NCOA4: variants seen among roughly 807,000 people sequenced by gnomAD.
NCOA4 encodes nuclear receptor coactivator 4, also known as 70 kDa AR-activator.
NCOA4 carries 31 observed loss-of-function variants against 69.5 expected under a neutral mutation model. The observed-to-expected ratio is 0.45, with a 90% CI of 0.34 to 0.60. The LOEUF (loss-of-function observed/expected upper bound fraction) is 0.60, where lower values mean the gene tolerates loss of function less well. Among genes scored for constraint, NCOA4 ranks in the 20% least tolerant of loss-of-function variants. The pLI, the probability that NCOA4 is intolerant of heterozygous loss-of-function variation, is 0.02. For synonymous variants in NCOA4, 228 were observed against 252.4 expected, an observed-to-expected ratio of 0.90 and a Z score of 0.92; for missense variants, 600 against 719.2, an observed-to-expected ratio of 0.83 and a Z score of 1.90.
At chr10:46,014,282 G>A (rs1221766365) in intron 5 of NCOA4, among the ~76,000 whole-genome samples, 162 bp downstream of exon 5, 1 of 152,194 alleles carries the variant, frequency 6.6e-6, no homozygotes. Context: ...CTCCCAAAGT[G>A]CTAGGATTAC....
intron 1 of NCOA4, chr10:46,022,373 A>C (rs1023597581): frequency 4.5e-6 from 2 of 446,920 alleles, no homozygotes; most frequent in African/African-American, 4.2e-5. Flanking sequence ...TTAGTTTAAA[A>C]AAATTATGTT....
intron 1 of NCOA4, chr10:46,022,279 CTA>C: frequency 2.6e-6 from 1 of 380,642 alleles, no homozygotes; most frequent in Non-Finnish European, 5.3e-6. Context: ...CCTATGTGTT[CTA>C]TGAGTACTAC....
chr10:46,009,589 CAAG>C (rs1554920629), intron 8 of NCOA4, 38 bp from the exon 9 acceptor site: 3 of 1,576,818 alleles, frequency 1.9e-6, no homozygotes, highest in East Asian at 4.5e-5. Flanking sequence ...TTCATGAAAA[CAAG>C]GAGGCATGAG....
chr10:46,016,971 G>C (rs1421930219), intron 1 of NCOA4, among the ~76,000 whole-genome samples: 1 of 152,152 alleles, frequency 6.6e-6, no homozygotes, highest in East Asian at 1.9e-4. Flanking sequence ...CTGAATCAAA[G>C]AGCATACAGT....
At position 46,010,362 on chromosome 10, in the gene NCOA4, T is replaced by C; in HGVS notation, c.1559A>G (p.Lys520Arg). Reference protein sequence around the residue: ...EVPGTEDRAGKQKFKSPMNTS... With the variant: ...EVPGTEDRAGRQKFKSPMNTS... The stretch of plus-strand genomic sequence containing the variant: ...ATTCATGGGGCTTTTAAACTTCTGT[T>C]TGCCAGCTCTGTCTTCAGTACCAGG... The change falls in exon 8 of 10, where the codon AAA (lysine) becomes AGA (arginine). Residue 520 changes from lysine to arginine, a missense_variant. Transcript: ENST00000581486. 6.2e-7 allele frequency: 1 copy of C among 1,614,164 alleles called. No individual in the cohort carries two copies. Among genetic ancestry groups the C allele is most frequent in the Non-Finnish European group, 8.5e-7 (1 of 1,180,036 alleles).
At chr10:46,015,066 G>A in intron 3 of NCOA4, 60 bp downstream of exon 3, 1 of 1,608,996 alleles carries the variant, frequency 6.2e-7, no homozygotes, top group Non-Finnish European at 8.5e-7. Context: ...TTACAAGGAA[G>A]ATACTCTCTG....
chr10:46,019,790 C>T (rs1839767878), intron 1 of NCOA4, among the ~76,000 whole-genome samples: 1 of 152,212 alleles, frequency 6.6e-6, no homozygotes, highest in South Asian at 2.1e-4. Flanking sequence ...TTTCCACACA[C>T]AGTTATCACA....
At chr10:46,023,316 G>A (rs1839992454) in intron 1 of NCOA4, 1 of 985,602 alleles carries the variant, frequency 1.0e-6, no homozygotes, top group Non-Finnish European at 1.2e-6. Context: ...CGGCCCCTGG[G>A]CTGCCAGACG....
At chr10:46,025,408 A>T (rs10821925) in intron 1 of NCOA4, among the ~76,000 whole-genome samples, 37,547 of 152,026 alleles carry the variant, frequency 0.25, 5,505 homozygotes, top group South Asian at 0.52. Flanking sequence ...AAACAGACAC[A>T]CCCCAAAATA....
At chr10:46,021,723 G>A (rs1240812176) in intron 1 of NCOA4, among the ~76,000 whole-genome samples, 1 of 152,222 alleles carries the variant, frequency 6.6e-6, no homozygotes, top group Non-Finnish European at 1.5e-5. Context: ...ACTTTGGGAG[G>A]CCAAGGTGGG....
At chr10:46,009,607 A>ACTT in intron 8 of NCOA4, 56 bp from the exon 9 acceptor site, 1 of 1,488,052 alleles carries the variant, frequency 6.7e-7, no homozygotes, top group Admixed American at 2.0e-5. Context: ...CATGAGACCA[A>ACTT]CTTATCTTCC....
intron 1 of NCOA4, among the ~76,000 whole-genome samples, chr10:46,021,408 C>A (rs1477947519): frequency 1.3e-5 from 2 of 152,200 alleles, no homozygotes; most frequent in African/African-American, 4.8e-5. Flanking sequence ...GGGCCACAGC[C>A]AGAAGGGGTA....
chr10:46,020,831 CTTT>C (rs1839825088), intron 1 of NCOA4, among the ~76,000 whole-genome samples: 1 of 152,166 alleles, frequency 6.6e-6, no homozygotes, highest in Non-Finnish European at 1.5e-5. Context: ...CTAAAAATGT[CTTT>C]TTATCTTCAC....
chr10:46,009,183 T>TACA (rs567223173), intron 9 of NCOA4: 85 of 1,551,102 alleles, frequency 5.5e-5, no homozygotes, highest in Non-Finnish European at 6.7e-5. Context: ...TCCCAACGGT[T>TACA]ACATCTTGAA....
intron 1 of NCOA4, chr10:46,023,487 C>A: frequency 1.0e-6 from 1 of 985,580 alleles, no homozygotes; most frequent in Non-Finnish European, 1.2e-6. Flanking sequence ...CTGGAGCGCT[C>A]AAGCCAAGGG....
chr10:46,007,619 G>T (rs1470897426), intron 9 of NCOA4, among the ~76,000 whole-genome samples: 1 of 131,030 alleles, frequency 7.6e-6, no homozygotes, highest in African/African-American at 2.9e-5. Context: ...TTGAGACAGG[G>T]TCTCCCTCTG....
At chr10:46,012,087 A>AAAAAAAAAAAAAAAAAC (rs1839258808) in intron 7 of NCOA4, among the ~76,000 whole-genome samples, 3 of 138,900 alleles carry the variant, frequency 2.2e-5, no homozygotes, top group African/African-American at 6.2e-5. Flanking sequence ...AAAAAAAAAA[A>AAAAAAAAAAAAAAAAAC]AAAAAAAAAA....
rs1436094100 is a variant in NCOA4, at chr10:46,010,826, A to G, written c.1095T>C (p.Asn365=). The G allele has an allele frequency of 1.2e-6, 2 of 1,613,770 alleles. No homozygotes were observed. Among genetic ancestry groups the G allele is most frequent in the Admixed American group, 1.7e-5 (1 of 59,988 alleles). The change falls in exon 8 of 10, where the codon AAT becomes AAC. Residue 365 remains asparagine, a synonymous_variant. Transcript: ENST00000581486. The stretch of plus-strand genomic sequence containing the variant: ...CCAAGTGGTCATTCAGGCACTTCAG[A>G]TTGCCCAGGTTTTCAATCTCCACAC... ...PKGVEIENLG[N]LKCLNDHLEA...
At chr10:46,012,172 T>C (rs1839275516) in intron 7 of NCOA4, among the ~76,000 whole-genome samples, 1 of 145,906 alleles carries the variant, frequency 6.9e-6, no homozygotes, top group African/African-American at 2.5e-5. Context: ...CTATTTTGTG[T>C]CAAATTCAGA....
Sources: allele counts gnomAD v4.1 joint callset (sites outside exome capture counted in the v4.1 genomes callset), GRCh38; gene constraint gnomAD v4.1.1; transcripts MANE v1.5; gene names NCBI Gene and HGNC (gene_info 2026-07-23, HGNC 2026-07-21).